Variants in SLCO6A1 observed in about 807,000 individuals in gnomAD.
SLCO6A1 encodes the protein cancer/testis antigen 48.
In SLCO6A1, 65 loss-of-function variants were observed where a neutral mutation model predicts 72.7. The observed-to-expected ratio is 0.89, with a 90% confidence interval of 0.73 to 1.10. The LOEUF (loss-of-function observed/expected upper bound fraction) is 1.10, where lower values mean the gene tolerates loss of function less well. Ranked by LOEUF, SLCO6A1 falls within the 50% of genes least tolerant of loss-of-function variation. The probability of loss-of-function intolerance (pLI) is 0.00; values close to 1 mark genes in which losing one functional copy is unlikely to be tolerated. For synonymous variants in SLCO6A1, 314 were observed against 298.2 expected, an observed-to-expected ratio of 1.05 and a Z score of -0.55; for missense variants, 874 against 872.6, an observed-to-expected ratio of 1.00 and a Z score of -0.02.
chr5:102,425,525 A>G (rs747895172), intron 7 of SLCO6A1, among the ~76,000 whole-genome samples: 2 of 152,184 alleles, frequency 1.3e-5, no homozygotes, highest in African/African-American at 4.8e-5. Flanking sequence ...AACTGCTACA[A>G]AGAGAATAAA....
chr5:102,400,335 G>A (rs1173875026), intron 9 of SLCO6A1, among the ~76,000 whole-genome samples: 1 of 151,890 alleles, frequency 6.6e-6, no homozygotes, highest in Admixed American at 6.6e-5. Context: ...AATATATAAT[G>A]ATGAATCCAG....
chr5:102,476,013 G>A (rs1751879584), intron 3 of SLCO6A1, among the ~76,000 whole-genome samples: 1 of 152,080 alleles, frequency 6.6e-6, no homozygotes, highest in African/African-American at 2.4e-5. Context: ...CTATGAGGAT[G>A]CAAAAGCATA....
chr5:102,472,043 T>C (rs886376946), intron 4 of SLCO6A1, among the ~76,000 whole-genome samples: 3 of 152,086 alleles, frequency 2.0e-5, no homozygotes, highest in Admixed American at 1.3e-4. Flanking sequence ...AAGCTTCCCC[T>C]GCCTTCTCAT....
chr5:102,443,365 G>C (rs2112696955), intron 6 of SLCO6A1, among the ~76,000 whole-genome samples: 1 of 152,118 alleles, frequency 6.6e-6, no homozygotes, highest in Non-Finnish European at 1.5e-5. Flanking sequence ...ATGGCCCTTT[G>C]TACTTTTATT....
At chr5:102,443,955 G>C (rs1749975922) in intron 6 of SLCO6A1, among the ~76,000 whole-genome samples, 1 of 152,106 alleles carries the variant, frequency 6.6e-6, no homozygotes, top group Non-Finnish European at 1.5e-5. Flanking sequence ...TCGCAGTACT[G>C]TGGCTATTAG....
chr5:102,395,859 A>G (rs1439507615), intron 10 of SLCO6A1, among the ~76,000 whole-genome samples: 1 of 152,118 alleles, frequency 6.6e-6, no homozygotes, highest in Non-Finnish European at 1.5e-5. Context: ...ATGTCTGTTC[A>G]TATCCTTCAC....
At chr5:102,471,756 G>C (rs1241105741) in intron 4 of SLCO6A1, among the ~76,000 whole-genome samples, 1 of 151,958 alleles carries the variant, frequency 6.6e-6, no homozygotes, top group Non-Finnish European at 1.5e-5. Context: ...AATCCTGGTA[G>C]AAAATGTACA....
intron 9 of SLCO6A1, among the ~76,000 whole-genome samples, chr5:102,409,929 C>T (rs1348478557): frequency 6.6e-6 from 1 of 152,094 alleles, no homozygotes; most frequent in African/African-American, 2.4e-5. Context: ...AACAGTTTTA[C>T]TGTATACTGT....
At chr5:102,391,941 G>A (rs1408618627) in intron 10 of SLCO6A1, among the ~76,000 whole-genome samples, 1 of 151,912 alleles carries the variant, frequency 6.6e-6, no homozygotes, top group Non-Finnish European at 1.5e-5. Context: ...CATATTAGGA[G>A]TTTGGAAAAT....
chr5:102,415,149 A>T (rs62369345), intron 8 of SLCO6A1, among the ~76,000 whole-genome samples: 71,742 of 151,900 alleles, frequency 0.47, 18,669 homozygotes, highest in Non-Finnish European at 0.57. Flanking sequence ...AGCAATCTAC[A>T]TATTCAATAA....
intron 1 of SLCO6A1, among the ~76,000 whole-genome samples, chr5:102,485,423 C>T (rs953346097): frequency 1.3e-5 from 2 of 151,982 alleles, no homozygotes; most frequent in Non-Finnish European, 2.9e-5. Context: ...CCATATTGTA[C>T]CAGTTTGATC....
At chr5:102,474,433 A>G (rs528135228) in intron 4 of SLCO6A1, among the ~76,000 whole-genome samples, 41 of 152,112 alleles carry the variant, frequency 2.7e-4, no homozygotes, top group Non-Finnish European at 4.6e-4. Context: ...CCCAAAATGG[A>G]TTAGACATCT....
chr5:102,391,625 C>CT (rs1163357578), intron 10 of SLCO6A1, among the ~76,000 whole-genome samples: 1 of 151,902 alleles, frequency 6.6e-6, no homozygotes, highest in East Asian at 1.9e-4. Context: ...TACAGGATTC[C>CT]TTTTTTCTTC....
chr5:102,498,364 G>GGCTGGGCCACCCCTGGGCAT, intron 1 of SLCO6A1, 123 bp downstream of exon 1: 1 of 904,116 alleles, frequency 1.1e-6, no homozygotes, highest in Non-Finnish European at 1.7e-6. Context: ...AGCAGCCTCA[G>GGCTGGGCCACCCCTGGGCAT]GCTGGGCCAC....
At chr5:102,447,028 A>C (rs925118167) in intron 6 of SLCO6A1, among the ~76,000 whole-genome samples, 1 of 152,236 alleles carries the variant, frequency 6.6e-6, no homozygotes, top group African/African-American at 2.4e-5. Flanking sequence ...CTGGGATTAC[A>C]GGTGTGAACC....
chr5:102,401,678 G>T (rs904206878), intron 9 of SLCO6A1, among the ~76,000 whole-genome samples: 5 of 152,088 alleles, frequency 3.3e-5, no homozygotes, highest in Admixed American at 1.3e-4. Flanking sequence ...TATGGGGAAG[G>T]ACTTCCTAAG....
In SLCO6A1 at chr5:102,399,751, A is replaced by G. The variant is rs1293257259; in HGVS notation, c.1627-9T>C. The G allele has an allele frequency of 2.7e-6, 4 of 1,509,398 alleles. No homozygotes were observed. Among genetic ancestry groups the G allele is most frequent in the African/African-American group, 1.4e-5 (1 of 72,368 alleles). 93.5% of individuals were successfully genotyped at this position (1,509,398 alleles called of 1,614,324 possible). A position where few individuals can be genotyped will look rare whatever the true frequency, so the allele number is the denominator to read the frequency against. ...GAACAATTGTAGTACATCTGTGAGT[A>G]TTGAAGACAGGAAACAATCTTTCAG... On this transcript the variant is annotated splice_polypyrimidine_tract_variant and intron_variant, in intron 9 of 13. Coordinates refer to ENST00000506729, the MANE Select transcript of SLCO6A1 (RefSeq NM_173488.5).
At chr5:102,448,514 A>G (rs544631866) in intron 6 of SLCO6A1, among the ~76,000 whole-genome samples, 2 of 152,148 alleles carry the variant, frequency 1.3e-5, no homozygotes, top group Admixed American at 1.3e-4. Context: ...AAGTCTCTTC[A>G]TAAGTCTCTA....
At chr5:102,373,544 A>C in intron 12 of SLCO6A1, 50 bp from the exon 13 acceptor site, 2 of 1,261,742 alleles carry the variant, frequency 1.6e-6, no homozygotes, top group Non-Finnish European at 2.1e-6. Context: ...TTTAGAACAA[A>C]AATGTAGGCA....
Sources: allele counts gnomAD v4.1 joint callset (sites outside exome capture counted in the v4.1 genomes callset), GRCh38; gene constraint gnomAD v4.1.1; transcripts MANE v1.5; gene names NCBI Gene and HGNC (gene_info 2026-07-23, HGNC 2026-07-21).